Variants in TET3 observed in about 807,000 individuals in gnomAD.
TET3 encodes the protein methylcytosine dioxygenase TET3.
TET3 carries 19 observed loss-of-function variants against 141.4 expected under a neutral mutation model. That is an observed-to-expected ratio of 0.13 (90% CI 0.09 to 0.20). The LOEUF is 0.20. Among genes scored for constraint, TET3 ranks in the 10% least tolerant of loss-of-function variants. TET3 has a pLI of 1.00. For synonymous variants in TET3, 1,043 were observed against 980.9 expected, an observed-to-expected ratio of 1.06 and a Z score of -1.18; for missense variants, 1,874 against 2,356.9, an observed-to-expected ratio of 0.80 and a Z score of 4.24.
chr2:74,124,901 A>G, the TET3 span, among the ~76,000 whole-genome samples: 1 of 151,714 alleles, frequency 6.6e-6, no homozygotes, highest in East Asian at 1.9e-4. Flanking sequence ...CCTCTCCGAG[A>G]AACACCCAAG....
At position 74,101,804 on chromosome 2, in the gene TET3, G is replaced by T; in HGVS notation, c.5016G>T (p.Leu1672=). Residue 1672 remains leucine (L), a synonymous_variant, in exon 12 of 12, where the codon CTG becomes CTT. Transcript: ENST00000409262. The surrounding 1 kb of genome is among the most constrained non-coding windows in gnomAD (Gnocchi z 8.5). The part of the protein sequence containing the change: ...SILIECARRE[L]HATTPLKKPN... ...TCATCGAGTGTGCCCGGCGGGAGCT[G>T]CACGCCACCACGCCGCTTAAGAAGC... The T allele has an allele frequency of 2.5e-6, 4 of 1,612,984 alleles. No individual in the cohort carries two copies. The highest frequency in any genetic ancestry group is 3.4e-6 in the Non-Finnish European group (4 of 1,179,824).
intron 3 of TET3, among the ~76,000 whole-genome samples, chr2:74,016,720 TCAAAAA>T (rs1685745541): frequency 7.0e-6 from 1 of 141,952 alleles, no homozygotes; most frequent in South Asian, 2.2e-4. Flanking sequence ...AGACTCTGTC[TCAAAAA>T]CAAACAAACA....
In TET3 at chr2:74,047,888, C is replaced by T; in HGVS notation, c.1971C>T (p.Pro657=). ...CTGCCTCACAGGGCTCTGCTGTGCCCCTGCCCCCAGAACCTTCTCTTGCGC... is the reference window on the plus strand; with the variant it reads ...CTGCCTCACAGGGCTCTGCTGTGCCTCTGCCCCCAGAACCTTCTCTTGCGC... ...PLPASQGSAV[P]LPPEPSLALF... Residue 657 remains proline, a synonymous_variant, in exon 4 of 12, where the codon CCC becomes CCT. Transcript: ENST00000409262. 6.2e-7 allele frequency: 1 copy of T among 1,613,250 alleles called. No homozygotes were observed. Among genetic ancestry groups the T allele is most frequent in the South Asian group, 1.1e-5 (1 of 90,940 alleles).
At chr2:74,051,998 C>A (rs1315666187) in intron 4 of TET3, among the ~76,000 whole-genome samples, 3 of 152,166 alleles carry the variant, frequency 2.0e-5, no homozygotes, top group African/African-American at 4.8e-5. Context: ...AATTGTCTGG[C>A]CACATGCTTC....
Position 73,986,694 on chromosome 2 carries a change from G to A in TET3, c.291G>A (p.Gly97=). The A allele has an allele frequency of 8.1e-7, 1 of 1,232,008 alleles. No individual in the cohort carries two copies. Among genetic ancestry groups the A allele is most frequent in the Non-Finnish European group, 1.0e-6 (1 of 987,980 alleles). 76.3% of individuals were successfully genotyped at this position (1,232,008 alleles called of 1,614,324 possible). A position where few individuals can be genotyped will look rare whatever the true frequency, so the allele number is the denominator to read the frequency against. Residue 97 remains glycine, a synonymous_variant, in exon 2 of 12, where the codon GGG becomes GGA. Transcript: ENST00000409262. The part of the protein sequence containing the change: ...RKCEVLKKKV[G]LLKEVEIKAG... ...GTGAGGTGCTGAAGAAAAAAGTAGG[G>A]CTTCTCAAGGAGGTAAGCCGGCCCT... is the stretch of plus-strand genomic sequence containing the variant.
rs576858992 is a variant in TET3, at chr2:73,986,484, A to G, written c.81A>G (p.Val27=). ...LYDFPQRQVM[V]GSFPGSGLSM... ...ACTTCCCTCAGCGCCAGGTGATGGT[A>G]GGGAGCTTCCCGGGGTCTGGGCTCT... Residue 27 remains valine (V), a synonymous_variant, in exon 2 of 12, where the codon GTA becomes GTG. Transcript: ENST00000409262. The G allele has an allele frequency of 5.3e-5, 65 of 1,232,132 alleles. No individual in the cohort carries two copies. The highest frequency in any genetic ancestry group is 5.6e-5 in the Non-Finnish European group (55 of 988,010). The allele number at this position is 1,232,132 out of a possible 1,614,324, so 76.3% of individuals were successfully genotyped here.
At chr2:74,002,783 C>T in intron 2 of TET3, 1 of 565,148 alleles carries the variant, frequency 1.8e-6, no homozygotes, top group South Asian at 2.2e-5. Context: ...GGCCGATGCA[C>T]CAGAGGAGGC....
In TET3 at chr2:74,068,006, C is replaced by T. The variant is rs147756954; in HGVS notation, c.2495-5543C>T. Reference sequence around the variant, plus strand: ...TAACTGGTGGTATTGGGTAGGATGACTTAGGAGGGCTCAGACCAACTGTTA... The same window carrying T: ...TAACTGGTGGTATTGGGTAGGATGATTTAGGAGGGCTCAGACCAACTGTTA... On this transcript the variant is annotated intron_variant, in intron 4 of 11. Transcript: ENST00000409262. Among the ~76,000 whole-genome samples, 557 of 152,166 alleles carry T rather than the reference C, an allele frequency of 3.7e-3. 3 individuals are homozygous for T. The highest frequency in any genetic ancestry group is 0.01 in the African/African-American group (429 of 41,510).
In TET3 at chr2:74,088,046, G is replaced by T; in HGVS notation, c.2888+8G>T. On this transcript the variant is annotated splice_region_variant and intron_variant, in intron 7 of 11. Coordinates refer to ENST00000409262, the MANE Select transcript of TET3 (RefSeq NM_001287491.2). Reference sequence around the variant, plus strand: ...ATGCGGCCTCAACGATGAGTATGTAGCAGAGGGCTTCAGGGCCAGGGCCCA... The same window carrying T: ...ATGCGGCCTCAACGATGAGTATGTATCAGAGGGCTTCAGGGCCAGGGCCCA... 1 of 1,555,176 alleles carries T rather than the reference G, an allele frequency of 6.4e-7. No homozygotes were observed. The highest frequency in any genetic ancestry group is 8.7e-7 in the Non-Finnish European group (1 of 1,149,298).
the TET3 span, chr2:74,122,490 C>CT: frequency 1.7e-5 from 1 of 59,354 alleles, no homozygotes; most frequent in South Asian, 1.2e-3. Context: ...TAAATACATA[C>CT]ATATATATAT....
intron 4 of TET3, among the ~76,000 whole-genome samples, chr2:74,059,715 T>G (rs530630852): frequency 6.6e-6 from 1 of 151,904 alleles, no homozygotes; most frequent in East Asian, 1.9e-4. Flanking sequence ...CCTGGCTAAT[T>G]TGTAAATTTT....
chr2:74,094,833 G>T (rs1206157366), intron 10 of TET3, among the ~76,000 whole-genome samples: 1 of 152,192 alleles, frequency 6.6e-6, no homozygotes, highest in Non-Finnish European at 1.5e-5. Context: ...AGTAACAGGG[G>T]AAGGCTGAAT....
In TET3 at chr2:74,105,017, A is replaced by AAAAGT. The variant is rs2104263642; in HGVS notation, c.*2844_*2848dup. 2 of 397,614 alleles carry AAAAGT rather than the reference A, an allele frequency of 5.0e-6. No individual in the cohort carries two copies. The highest frequency in any genetic ancestry group is 8.9e-6 in the Non-Finnish European group (2 of 225,962). 24.6% of individuals were successfully genotyped at this position (397,614 alleles called of 1,614,324 possible). On this transcript the variant is annotated 3_prime_UTR_variant, in exon 12 of 12. Transcript: ENST00000409262. ...TTAGCATGCTTTAGACATATATTTAAAAAGTAACTATGCACAGCTCTTTAT... is the reference window on the plus strand; with the variant it reads ...TTAGCATGCTTTAGACATATATTTAAAAAGTAAAGTAACTATGCACAGCTCTTTAT...
At chr2:74,114,452 T>C in the TET3 span, among the ~76,000 whole-genome samples, 4 of 152,116 alleles carry the variant, frequency 2.6e-5, no homozygotes, top group African/African-American at 9.7e-5. Context: ...CCAAAAATTA[T>C]TGAAATAAAC....
At position 74,046,624 on chromosome 2, in the gene TET3, G is replaced by T. The variant is rs757016925; in HGVS notation, c.707G>T (p.Ser236Ile). ...REMSREAGNN[S>I]RGPRPGPEGC... ...ATGAGTCGTGAGGCTGGGAACAACA[G>T]CAGGGGACCCCGGCCAGGGCCTGAG... Residue 236 changes from serine to isoleucine, a missense_variant, in exon 4 of 12, where the codon AGC (serine) becomes ATC (isoleucine). Around this residue, in one of 10 missense-constraint regions of TET3, gnomAD observed 366 missense variants for 487.0 expected, o/e 0.75. Coordinates refer to ENST00000409262, the MANE Select transcript of TET3 (RefSeq NM_001287491.2). The surrounding 1 kb of genome is among the most constrained non-coding windows in gnomAD (Gnocchi z 4.3). The T allele has an allele frequency of 1.4e-5, 23 of 1,614,070 alleles. No individual in the cohort carries two copies. The South Asian group carries it at 2.1e-4, about 15-fold the overall frequency.
At chr2:74,124,096 C>T in the TET3 span, among the ~76,000 whole-genome samples, 3 of 151,214 alleles carry the variant, frequency 2.0e-5, no homozygotes, top group Admixed American at 6.6e-5. Context: ...GGAGCCCCTC[C>T]GCCCAGCAGC....
At chr2:74,003,002 TC>T (rs2105144552) in intron 2 of TET3, 107 bp from the exon 3 acceptor site, 2 of 1,197,106 alleles carry the variant, frequency 1.7e-6, no homozygotes, top group Non-Finnish European at 2.4e-6. Flanking sequence ...CTGTATCCCC[TC>T]CCGTTCGCCT....
intron 4 of TET3, among the ~76,000 whole-genome samples, chr2:74,055,743 C>T (rs998655652): frequency 6.6e-6 from 1 of 152,158 alleles, no homozygotes; most frequent in African/African-American, 2.4e-5. Context: ...GCTTTATCCT[C>T]ATGAATGGAT....
In TET3 at chr2:74,094,178, T is replaced by C. The variant is rs115010766; in HGVS notation, c.3267+512T>C. The stretch of plus-strand genomic sequence containing the variant: ...GATAAAGCAACAGGAGATGCTGTTT[T>C]AGATGAGAGGCTGCTCTGAGGAGGG... On this transcript the variant is annotated intron_variant, in intron 10 of 11. Coordinates refer to ENST00000409262, the MANE Select transcript of TET3 (RefSeq NM_001287491.2). 6.6e-3 allele frequency among the ~76,000 whole-genome samples: 1,004 copies of C among 152,320 alleles called. 13 individuals carry two copies. Among genetic ancestry groups the C allele is most frequent in the African/African-American group, 0.023 (937 of 41,578 alleles).
Sources: allele counts gnomAD v4.1 joint callset (sites outside exome capture counted in the v4.1 genomes callset), GRCh38; gene constraint gnomAD v4.1.1; regional missense constraint gnomAD v4.1.1; non-coding constraint Gnocchi (gnomAD v3.1); transcripts MANE v1.5; gene names NCBI Gene and HGNC (gene_info 2026-07-23, HGNC 2026-07-21).